BCKDHB: variants seen among roughly 807,000 people sequenced by gnomAD.
BCKDHB encodes 2-oxoisovalerate dehydrogenase subunit beta, mitochondrial.
A neutral mutation model predicts 48.5 loss-of-function variants in BCKDHB; 41 were observed. The ratio of observed to expected loss-of-function variants is 0.85; its 90% confidence interval spans 0.66 to 1.10. BCKDHB has a LOEUF of 1.10. Ranked by LOEUF, BCKDHB falls within the 50% of genes least tolerant of loss-of-function variation. The pLI, the probability that BCKDHB is intolerant of heterozygous loss-of-function variation, is 0.00. For missense variants in BCKDHB, 496 were observed against 494.2 expected, an observed-to-expected ratio of 1.00 and a Z score of -0.03; for synonymous variants, 201 against 174.8, an observed-to-expected ratio of 1.15 and a Z score of -1.18.
chr6:80,180,823 C>T (rs1311888988), intron 6 of BCKDHB, among the ~76,000 whole-genome samples: 2 of 152,126 alleles, frequency 1.3e-5, no homozygotes, highest in Non-Finnish European at 1.5e-5. Flanking sequence ...TTACATTAAG[C>T]AGATTAATTT....
downstream of BCKDHB, among the ~76,000 whole-genome samples, chr6:80,347,995 C>T (rs1158295344): frequency 1.3e-5 from 2 of 152,072 alleles, no homozygotes; most frequent in East Asian, 3.9e-4. Context: ...CAACATGGAT[C>T]TATAAACTAA....
At chr6:80,402,047 A>G in the BCKDHB span, among the ~76,000 whole-genome samples, 1 of 151,702 alleles carries the variant, frequency 6.6e-6, no homozygotes, top group African/African-American at 2.4e-5. Flanking sequence ...CCATATCTTG[A>G]TTATTGTGAA....
chr6:80,230,023 GTTGTTTTTTTTT>G (rs1775844834), intron 8 of BCKDHB, among the ~76,000 whole-genome samples: 2 of 89,510 alleles, frequency 2.2e-5, no homozygotes, highest in Non-Finnish European at 2.0e-5. Context: ...GGGTTTTTAG[GTTGTTTTTTTTT>G]TTTTTTTTTT....
intron 3 of BCKDHB, among the ~76,000 whole-genome samples, chr6:80,152,054 C>T (rs1018037173): frequency 6.6e-6 from 1 of 152,054 alleles, no homozygotes; most frequent in South Asian, 2.1e-4. Flanking sequence ...AAGCTGGTAT[C>T]ACAAGGATGA....
chr6:80,214,102 C>T (rs1258649844), intron 8 of BCKDHB, among the ~76,000 whole-genome samples: 9 of 152,064 alleles, frequency 5.9e-5, no homozygotes, highest in Non-Finnish European at 2.9e-5. Flanking sequence ...CTAAGGCTGG[C>T]AGAGTTAGTG....
chr6:80,303,105 A>C (rs903097695), intron 9 of BCKDHB, among the ~76,000 whole-genome samples: 3 of 152,124 alleles, frequency 2.0e-5, no homozygotes, highest in South Asian at 2.1e-4. Context: ...CTATTACCTG[A>C]ACTCAAAGGG....
intron 6 of BCKDHB, among the ~76,000 whole-genome samples, chr6:80,185,924 T>C (rs1374218407): frequency 1.3e-5 from 2 of 152,308 alleles, no homozygotes; most frequent in African/African-American, 2.4e-5. Flanking sequence ...GAAGTTGTTA[T>C]GTGGACAGAC....
At chr6:80,402,372 C>T in the BCKDHB span, among the ~76,000 whole-genome samples, 3 of 151,582 alleles carry the variant, frequency 2.0e-5, no homozygotes, top group African/African-American at 7.2e-5. Context: ...TTAGTGATGT[C>T]GAGCAACTAG....
At chr6:80,188,416 C>T (rs1182231094) in intron 6 of BCKDHB, among the ~76,000 whole-genome samples, 1 of 151,986 alleles carries the variant, frequency 6.6e-6, no homozygotes. Context: ...GTTGGTGGAT[C>T]GCTTGAGCCA....
intron 9 of BCKDHB, among the ~76,000 whole-genome samples, chr6:80,331,662 A>G (rs1248160092): frequency 6.6e-6 from 1 of 152,212 alleles, no homozygotes; most frequent in Non-Finnish European, 1.5e-5. Flanking sequence ...TCTGAATTCT[A>G]CATCACTCAC....
At chr6:80,403,052 C>T in the BCKDHB span, among the ~76,000 whole-genome samples, 1 of 150,960 alleles carries the variant, frequency 6.6e-6, no homozygotes, top group South Asian at 2.1e-4. Flanking sequence ...CCTATAGCTT[C>T]GTTTTTTCTC....
intron 8 of BCKDHB, among the ~76,000 whole-genome samples, chr6:80,207,169 T>G (rs1371239791): frequency 1.3e-5 from 2 of 151,992 alleles, no homozygotes; most frequent in Non-Finnish European, 2.9e-5. Context: ...GTATTGATTA[T>G]CCGAAACAGT....
At chr6:80,448,497 A>C in the BCKDHB span, among the ~76,000 whole-genome samples, 1 of 152,192 alleles carries the variant, frequency 6.6e-6, no homozygotes, top group African/African-American at 2.4e-5. Context: ...CAGGATGGCA[A>C]TGACAGAGAT....
At chr6:80,241,592 G>A (rs1021203282) in intron 8 of BCKDHB, among the ~76,000 whole-genome samples, 1 of 152,180 alleles carries the variant, frequency 6.6e-6, no homozygotes, top group Non-Finnish European at 1.5e-5. Context: ...AGGGTGCAGA[G>A]CAGCAAATAT....
chr6:80,355,176 G>A, the BCKDHB span, among the ~76,000 whole-genome samples: 1 of 152,142 alleles, frequency 6.6e-6, no homozygotes, highest in African/African-American at 2.4e-5. Flanking sequence ...TAGGTAGGCA[G>A]ATCACCTGAG....
chr6:80,241,951 G>C (rs966867999), intron 8 of BCKDHB, among the ~76,000 whole-genome samples: 1 of 152,118 alleles, frequency 6.6e-6, no homozygotes, highest in Non-Finnish European at 1.5e-5. Context: ...ATTTGGCTAA[G>C]AAACCTTTAT....
intron 8 of BCKDHB, among the ~76,000 whole-genome samples, chr6:80,233,903 C>T (rs748023578): frequency 6.6e-6 from 1 of 152,144 alleles, no homozygotes; most frequent in Non-Finnish European, 1.5e-5. Context: ...GGACTGGTTT[C>T]ATAGAAGACA....
At chr6:80,412,075 A>T in the BCKDHB span, among the ~76,000 whole-genome samples, 1 of 151,246 alleles carries the variant, frequency 6.6e-6, no homozygotes, top group East Asian at 1.9e-4. Flanking sequence ...AGCTCTTCCT[A>T]TTTGGCCATC....
chr6:80,126,354 A>G (rs1343876605), intron 1 of BCKDHB, among the ~76,000 whole-genome samples: 9 of 152,156 alleles, frequency 5.9e-5, no homozygotes, highest in African/African-American at 9.6e-5. Context: ...CTGTGGAGCA[A>G]TGCCAGGCTA....
Sources: gnomAD v4.1 joint callset for allele counts (sites outside exome capture counted in the v4.1 genomes callset) on GRCh38, gnomAD v4.1.1 for gene constraint, MANE v1.5 for transcripts, NCBI Gene and HGNC (gene_info 2026-07-23, HGNC 2026-07-21) for gene names.